Variants in SP4 observed in about 807,000 individuals in gnomAD.
The protein encoded by SP4 is transcription factor Sp4.
A neutral mutation model predicts 72.8 loss-of-function variants in SP4; 19 were observed. The observed-to-expected ratio is 0.26, with a 90% confidence interval of 0.18 to 0.38. The LOEUF (loss-of-function observed/expected upper bound fraction) is 0.38. Ranked by LOEUF, SP4 falls within the 10% of genes least tolerant of loss-of-function variation. SP4 has a pLI of 1.00. For synonymous variants in SP4, 395 were observed against 333.1 expected, an observed-to-expected ratio of 1.19 and a Z score of -2.02; for missense variants, 1,008 against 926.3, an observed-to-expected ratio of 1.09 and a Z score of -1.14.
At chr7:21,454,306 ATAACCTTT>A (rs1005826471) in intron 3 of SP4, among the ~76,000 whole-genome samples, 2 of 152,092 alleles carry the variant, frequency 1.3e-5, no homozygotes, top group African/African-American at 4.8e-5. Flanking sequence ...AGTGGGCTTA[ATAACCTTT>A]ACAATTATAT....
chr7:21,460,315 G>C (rs919724333), intron 3 of SP4, among the ~76,000 whole-genome samples: 1 of 152,084 alleles, frequency 6.6e-6, no homozygotes, highest in Non-Finnish European at 1.5e-5. Flanking sequence ...GGTCTTACTG[G>C]CTCAGGATTG....
intron 3 of SP4, among the ~76,000 whole-genome samples, chr7:21,431,678 T>A (rs1782859144): frequency 6.6e-6 from 1 of 152,244 alleles, no homozygotes; most frequent in African/African-American, 2.4e-5. Context: ...GAAGTAGTTT[T>A]AATCTTTTTT....
At chr7:21,482,525 G>C in intron 5 of SP4, 1 of 376,890 alleles carries the variant, frequency 2.7e-6, no homozygotes, top group Non-Finnish European at 3.6e-6. Flanking sequence ...AAAGTATCAA[G>C]AATAATTAAA....
intron 5 of SP4, among the ~76,000 whole-genome samples, chr7:21,493,304 A>G (rs954345092): frequency 1.3e-5 from 2 of 152,170 alleles, no homozygotes; most frequent in Non-Finnish European, 2.9e-5. Flanking sequence ...CAAACAACAC[A>G]TGGGCCAAGA....
chr7:21,432,213 GTTTCC>G (rs1163110761), intron 3 of SP4, among the ~76,000 whole-genome samples: 24 of 152,292 alleles, frequency 1.6e-4, no homozygotes, highest in African/African-American at 5.8e-4. Context: ...TCTAGTTAGT[GTTTCC>G]ATTGCGGTAC....
At chr7:21,470,996 A>T (rs1242914211) in intron 3 of SP4, 1 of 524,366 alleles carries the variant, frequency 1.9e-6, no homozygotes, top group Non-Finnish European at 3.9e-6. Flanking sequence ...AGATGAATAG[A>T]CTTTTGTCAG....
chr7:21,513,437 A>G lies in SP4; in HGVS notation c.*2168A>G, dbSNP rs1210118433. 1.3e-5 allele frequency: 2 copies of G among 152,624 alleles called. No individual in the cohort carries two copies. Among genetic ancestry groups the G allele is most frequent in the African/African-American group, 2.4e-5 (1 of 41,456 alleles). The allele number at this position is 152,624 out of a possible 1,614,324, so 9.5% of individuals were successfully genotyped here. On this transcript the variant is annotated 3_prime_UTR_variant, in exon 6 of 6. Transcript: ENST00000222584. The stretch of plus-strand genomic sequence containing the variant: ...TTAATGTACTCTTAACAACTGATGT[A>G]TCTGGCTTTAAAACATCAGAATTGG...
At chr7:21,468,809 A>C (rs1485379537) in intron 3 of SP4, among the ~76,000 whole-genome samples, 1 of 152,138 alleles carries the variant, frequency 6.6e-6, no homozygotes, top group Non-Finnish European at 1.5e-5. Context: ...AGCAGTAATC[A>C]CTTCTATTAG....
intron 3 of SP4, among the ~76,000 whole-genome samples, chr7:21,449,276 T>C (rs1339190322): frequency 1.3e-5 from 2 of 152,238 alleles, no homozygotes; most frequent in South Asian, 4.1e-4. Context: ...TACTCCTGCT[T>C]TTGTCTCCTA....
chr7:21,489,858 C>G (rs1784927124), intron 5 of SP4, among the ~76,000 whole-genome samples: 2 of 151,914 alleles, frequency 1.3e-5, no homozygotes, highest in Admixed American at 6.6e-5. Context: ...GTGCCCAGCC[C>G]CAGGCTGGCG....
intron 5 of SP4, among the ~76,000 whole-genome samples, chr7:21,510,756 G>A (rs1267028067): frequency 6.6e-6 from 1 of 152,186 alleles, no homozygotes; most frequent in East Asian, 1.9e-4. Context: ...GGAAAACTGA[G>A]AGTTCCAGTG....
chr7:21,492,575 C>G (rs1054683417), intron 5 of SP4, among the ~76,000 whole-genome samples: 87 of 152,004 alleles, frequency 5.7e-4, no homozygotes, highest in African/African-American at 2.1e-3. Context: ...GGATACTTGA[C>G]TGTCATCTGA....
intron 5 of SP4, among the ~76,000 whole-genome samples, chr7:21,494,625 A>G (rs78898247): frequency 0.089 from 12,771 of 143,692 alleles, 970 homozygotes; most frequent in East Asian, 0.4. Context: ...AAAGAATGCA[A>G]TGAAGAACTA....
intron 5 of SP4, among the ~76,000 whole-genome samples, chr7:21,487,597 T>C (rs1014345714): frequency 2.6e-5 from 4 of 152,168 alleles, no homozygotes; most frequent in African/African-American, 9.7e-5. Flanking sequence ...GTTCTCATTG[T>C]ATGGATGCAG....
At chr7:21,451,513 C>A (rs1783600045) in intron 3 of SP4, among the ~76,000 whole-genome samples, 1 of 152,076 alleles carries the variant, frequency 6.6e-6, no homozygotes, top group Non-Finnish European at 1.5e-5. Context: ...CTGCTTCTTG[C>A]TGACAGGGAT....
chr7:21,469,804 G>A (rs1230673743), intron 3 of SP4, among the ~76,000 whole-genome samples: 1 of 151,800 alleles, frequency 6.6e-6, no homozygotes, highest in Non-Finnish European at 1.5e-5. Flanking sequence ...CACCTACCTC[G>A]GCCTCCCAAA....
rs527964962 is a variant in SP4 at position 21,460,802 on chromosome 7, GAC to G, written c.1679-16273_1679-16272del. Among the ~76,000 whole-genome samples, 16 of 151,364 alleles carry G rather than the reference GAC, an allele frequency of 1.1e-4. No homozygotes were observed. In the East Asian group the frequency reaches 2.9e-3, roughly 28 times the overall value. On this transcript the variant is annotated intron_variant, in intron 3 of 5. Coordinates refer to ENST00000222584, the MANE Select transcript of SP4 (RefSeq NM_003112.5). ...TGGTGTATTTACAAACCCTGAGCTA[GAC>G]ACAGAATGCTGATTGGTGCATTTAC...
chr7:21,428,801 A>G lies in SP4; in HGVS notation c.123+9A>G. 1 of 1,543,248 alleles carries G rather than the reference A, an allele frequency of 6.5e-7. No homozygotes were observed. The highest frequency in any genetic ancestry group is 8.7e-7 in the Non-Finnish European group (1 of 1,143,794). On this transcript the variant is annotated intron_variant, in intron 2 of 5. Coordinates refer to ENST00000222584, the MANE Select transcript of SP4 (RefSeq NM_003112.5). ...AAACCTCAGGCTCCCAGGTAAAAGCAAACAAATTAAAAAAATTCATCACGA... is the reference window on the plus strand; with the variant it reads ...AAACCTCAGGCTCCCAGGTAAAAGCGAACAAATTAAAAAAATTCATCACGA...
At chr7:21,470,585 C>T (rs1233005126) in intron 3 of SP4, among the ~76,000 whole-genome samples, 4 of 152,010 alleles carry the variant, frequency 2.6e-5, no homozygotes, top group African/African-American at 9.7e-5. Flanking sequence ...CAAGTCGTCT[C>T]AAATTTTACT....
Sources: gnomAD v4.1 joint callset for allele counts (sites outside exome capture counted in the v4.1 genomes callset) on GRCh38, gnomAD v4.1.1 for gene constraint, MANE v1.5 for transcripts, NCBI Gene and HGNC (gene_info 2026-07-23, HGNC 2026-07-21) for gene names.